Variants in SZT2 observed in about 807,000 individuals in gnomAD.
SZT2 encodes the protein KICSTOR complex protein SZT2.
A neutral mutation model predicts 404.2 loss-of-function variants in SZT2; 216 were observed. That is an observed-to-expected ratio of 0.53 (90% CI 0.48 to 0.60). The LOEUF (loss-of-function observed/expected upper bound fraction) is 0.60, where lower values mean the gene tolerates loss of function less well. SZT2 is among the 20% of genes least tolerant of loss of function. The probability of loss-of-function intolerance (pLI) is 0.00; values close to 1 mark genes in which losing one functional copy is unlikely to be tolerated. For missense variants in SZT2, 3,857 were observed against 4,459.2 expected (o/e 0.86, Z 3.85); for synonymous variants, 1,693 against 1,749.9 (o/e 0.97, Z 0.81).
At chr1:43,419,648 C>A in intron 7 of SZT2, 86 bp from the exon 8 acceptor site, 1 of 1,128,108 alleles carries the variant, frequency 8.9e-7, no homozygotes, top group Non-Finnish European at 1.3e-6. Context: ...ATGGGAGCAG[C>A]CACCTAGCCC....
At chr1:43,434,324 T>A in intron 40 of SZT2, 62 bp from the exon 41 acceptor site, 1 of 1,389,490 alleles carries the variant, frequency 7.2e-7, no homozygotes, top group East Asian at 2.5e-5. Flanking sequence ...CATATACATA[T>A]CATGCCATTA....
At chr1:43,403,903 T>G in intron 3 of SZT2, 129 bp downstream of exon 3, 1 of 1,050,550 alleles carries the variant, frequency 9.5e-7, no homozygotes, top group Non-Finnish European at 1.4e-6. Flanking sequence ...TATAAAGGAA[T>G]GATGGGTGTT....
At chr1:43,392,486 C>G (rs529790179) in intron 1 of SZT2, among the ~76,000 whole-genome samples, 1 of 149,630 alleles carries the variant, frequency 6.7e-6, no homozygotes, top group Admixed American at 6.7e-5. Flanking sequence ...GCGATCTTGG[C>G]TCACTGCAAC....
chr1:43,425,061 C>T lies in SZT2; in HGVS notation c.2551-52C>T. On this transcript the variant is annotated intron_variant, in intron 17 of 71. Transcript: ENST00000634258. The surrounding 1 kb of genome is among the most constrained non-coding windows in gnomAD (Gnocchi z 4.3). ...TCTGAGGGCCAGAGCTAGGCCAGGCCAGATCTCTGCCTTGGCTGGGATTTG... is the reference window on the plus strand; with the variant it reads ...TCTGAGGGCCAGAGCTAGGCCAGGCTAGATCTCTGCCTTGGCTGGGATTTG... 1 of 1,608,974 alleles carries T rather than the reference C, an allele frequency of 6.2e-7. No individual in the cohort carries two copies. The highest frequency in any genetic ancestry group is 8.5e-7 in the Non-Finnish European group (1 of 1,175,404).
chr1:43,445,581 T>C (rs765832250), intron 62 of SZT2: 14 of 412,886 alleles, frequency 3.4e-5, no homozygotes, highest in East Asian at 4.6e-5. Context: ...CCTAATCAAA[T>C]TGTAGACAGG....
At chr1:43,430,411 G>A (rs1653723821) in intron 31 of SZT2, 22 bp downstream of exon 31, 3 of 1,604,748 alleles carry the variant, frequency 1.9e-6, no homozygotes, top group Non-Finnish European at 2.6e-6. Flanking sequence ...AGTGAGTCAA[G>A]GTGGGGAAGG....
intron 42 of SZT2, 131 bp downstream of exon 42, chr1:43,435,460 A>G: frequency 1.9e-6 from 2 of 1,044,778 alleles, no homozygotes; most frequent in East Asian, 2.6e-5. Flanking sequence ...GAGAGAGAGC[A>G]AGGAGGATAG....
rs1046071783 is a variant in SZT2, at chr1:43,454,157, A to C, written c.*3677A>C. On this transcript the variant is annotated 3_prime_UTR_variant, in exon 72 of 72. Transcript: ENST00000634258. Reference sequence around the variant, plus strand: ...TGATGGGACGCGCACTTTAATACTGAGTCTTTCCTCTGATTATAAAAATGC... The same window carrying C: ...TGATGGGACGCGCACTTTAATACTGCGTCTTTCCTCTGATTATAAAAATGC... 6 of 417,304 alleles carry C rather than the reference A, an allele frequency of 1.4e-5. No homozygotes were observed. The highest frequency in any genetic ancestry group is 6.0e-5 in the Admixed American group (1 of 16,776). 25.9% of individuals were successfully genotyped at this position (417,304 alleles called of 1,614,324 possible). A position where few individuals can be genotyped will look rare whatever the true frequency, so the allele number is the denominator to read the frequency against.
intron 4 of SZT2, chr1:43,412,920 A>G (rs1380183086): frequency 6.6e-6 from 1 of 152,232 alleles, no homozygotes; most frequent in Non-Finnish European, 1.5e-5. Flanking sequence ...GTTCAATATC[A>G]TTGATCATCA....
At chr1:43,409,435 GAGAA>G (rs1446042750) in intron 4 of SZT2, 22 of 367,652 alleles carry the variant, frequency 6.0e-5, no homozygotes, top group Admixed American at 2.3e-4. Context: ...AGTCAGACAA[GAGAA>G]AGAAAGAAAG....
chr1:43,453,635 T>TCGCGCGG lies in SZT2; in HGVS notation c.*3162_*3168dup, dbSNP rs779971227. 103 of 1,492,508 alleles carry TCGCGCGG rather than the reference T, an allele frequency of 6.9e-5. No individual in the cohort carries two copies. In the South Asian group the frequency reaches 1.2e-3, roughly 17 times the overall value. 92.5% of individuals were successfully genotyped at this position (1,492,508 alleles called of 1,614,324 possible). A position where few individuals can be genotyped will look rare whatever the true frequency, so the allele number is the denominator to read the frequency against. ...TCAGTACAAGCCGCAGCCCCGCTTCTCGCGCGGCGCGCGCCAGCGCCTCAG... is the reference window on the plus strand; with the variant it reads ...TCAGTACAAGCCGCAGCCCCGCTTCTCGCGCGGCGCGCGGCGCGCGCCAGCGCCTCAG... On this transcript the variant is annotated 3_prime_UTR_variant, in exon 72 of 72. Coordinates refer to ENST00000634258, the MANE Select transcript of SZT2 (RefSeq NM_001365999.1).
rs1222137640 is a variant in SZT2 at position 43,453,731 on chromosome 1, G to A, written c.*3251G>A. On this transcript the variant is annotated 3_prime_UTR_variant, in exon 72 of 72. Transcript: ENST00000634258. The stretch of plus-strand genomic sequence containing the variant: ...AGCTGCCCGCGGCCCGCACCCGCGC[G>A]GGGAGGCCGGAGAGCTCGGGGAATA... 7.2e-7 allele frequency: 1 copy of A among 1,386,928 alleles called. No individual in the cohort carries two copies. The highest frequency in any genetic ancestry group is 9.2e-7 in the Non-Finnish European group (1 of 1,081,962). The allele number at this position is 1,386,928 out of a possible 1,614,324, so 85.9% of individuals were successfully genotyped here.
In SZT2 at chr1:43,452,479, C is replaced by A; in HGVS notation, c.*1999C>A. The A allele has an allele frequency of 1.4e-6, 1 of 710,532 alleles. No individual in the cohort carries two copies. Among genetic ancestry groups the A allele is most frequent in the Non-Finnish European group, 2.6e-6 (1 of 384,010 alleles). The allele number at this position is 710,532 out of a possible 1,614,324, so 44.0% of individuals were successfully genotyped here. Reference sequence around the variant, plus strand: ...TATCCCAGCACTTTCAGAGACACTTCAGTGATGGCTGAGGGGCAAGCCCTT... The same window carrying A: ...TATCCCAGCACTTTCAGAGACACTTAAGTGATGGCTGAGGGGCAAGCCCTT... On this transcript the variant is annotated 3_prime_UTR_variant, in exon 72 of 72. Transcript: ENST00000634258.
chr1:43,408,654 C>T (rs1000929000), intron 4 of SZT2, among the ~76,000 whole-genome samples: 1 of 152,108 alleles, frequency 6.6e-6, no homozygotes, highest in Non-Finnish European at 1.5e-5. Flanking sequence ...TTTTTAATGT[C>T]CTGTTAACTT....
rs1407962487 is a variant in SZT2, at chr1:43,427,380, T to C, written c.3533T>C (p.Leu1178Pro). The change falls in exon 25 of 72, where the codon CTA becomes CCA. Residue 1178 changes from leucine (L) to proline (P), a missense_variant. This residue lies in a region of SZT2 where 1,725 missense variants were observed against 1,881.0 expected (regional missense o/e 0.92). Coordinates refer to ENST00000634258, the MANE Select transcript of SZT2 (RefSeq NM_001365999.1). ...AGTGGGGCTCCCAGTCTGAAAGATCTAGGAGGAACTGGGATCAAAGCTACA... is the reference window on the plus strand; with the variant it reads ...AGTGGGGCTCCCAGTCTGAAAGATCCAGGAGGAACTGGGATCAAAGCTACA... The part of the protein sequence containing the change: ...DWSGAPSLKD[L>P]GGTGIKATKS... The C allele has an allele frequency of 1.2e-6, 2 of 1,613,934 alleles. No homozygotes were observed. The highest frequency in any genetic ancestry group is 1.7e-6 in the Non-Finnish European group (2 of 1,180,002).
Position 43,424,605 on chromosome 1 carries a change from T to A in SZT2, c.2471+173T>A, listed in dbSNP as rs1652918998. Among the ~76,000 whole-genome samples the A allele has an allele frequency of 6.6e-6, 1 of 152,140 alleles. No homozygotes were observed. Among genetic ancestry groups the A allele is most frequent in the African/African-American group, 2.4e-5 (1 of 41,416 alleles). ...TCCTCCCATCACCCGATTTGTTTTG[T>A]CCTCTCTCATCCTCACTGGATTTGT... On this transcript the variant is annotated intron_variant, in intron 16 of 71. Coordinates refer to ENST00000634258, the MANE Select transcript of SZT2 (RefSeq NM_001365999.1). The surrounding 1 kb of genome is among the most constrained non-coding windows in gnomAD (Gnocchi z 4.1).
rs1330421993 is a variant in SZT2, at chr1:43,391,946, T to G, written c.27+1951T>G. On this transcript the variant is annotated intron_variant, in intron 1 of 71. Transcript: ENST00000634258. Reference sequence around the variant, plus strand: ...AAAAATACAAAAAATTAGCTGGGCGTGGTGGCGGGCGCCTGTAGTCCCAGC... The same window carrying G: ...AAAAATACAAAAAATTAGCTGGGCGGGGTGGCGGGCGCCTGTAGTCCCAGC... Among the ~76,000 whole-genome samples, 4 of 68,266 alleles carry G rather than the reference T, an allele frequency of 5.9e-5. 1 individual carries two copies. The highest frequency in any genetic ancestry group is 2.5e-4 in the African/African-American group (4 of 16,312). 44.8% of individuals were successfully genotyped at this position (68,266 alleles called of 152,430 possible). A position where few individuals can be genotyped will look rare whatever the true frequency, so the allele number is the denominator to read the frequency against.
chr1:43,427,939 G>A (rs904727859), intron 26 of SZT2, 64 bp from the exon 27 acceptor site: 2 of 1,444,208 alleles, frequency 1.4e-6, no homozygotes, highest in African/African-American at 1.4e-5. Context: ...AGTGTGGATG[G>A]CTAATGAGTG....
rs1476782524 is a variant in SZT2, at chr1:43,453,550, C to T, written c.*3070C>T. On this transcript the variant is annotated 3_prime_UTR_variant, in exon 72 of 72. Coordinates refer to ENST00000634258, the MANE Select transcript of SZT2 (RefSeq NM_001365999.1). ...GGCTCGGACACTCCCCTGCCCGCGC[C>T]CCGGCACCCCCCAGCCCTCCCAGCC... The T allele has an allele frequency of 1.3e-6, 2 of 1,521,364 alleles. No homozygotes were observed. The highest frequency in any genetic ancestry group is 2.5e-5 in the East Asian group (1 of 40,546). 94.2% of individuals were successfully genotyped at this position (1,521,364 alleles called of 1,614,324 possible). A position where few individuals can be genotyped will look rare whatever the true frequency, so the allele number is the denominator to read the frequency against.
Sources: allele counts gnomAD v4.1 joint callset (sites outside exome capture counted in the v4.1 genomes callset), GRCh38; gene constraint gnomAD v4.1.1; regional missense constraint gnomAD v4.1.1; non-coding constraint Gnocchi (gnomAD v3.1); transcripts MANE v1.5; gene names NCBI Gene and HGNC (gene_info 2026-07-23, HGNC 2026-07-21).